SGCD: variants seen among roughly 807,000 people sequenced by gnomAD.
SGCD encodes sarcoglycan delta.
A neutral mutation model predicts 36.6 loss-of-function variants in SGCD; 18 were observed. The observed-to-expected ratio is 0.49, with a 90% confidence interval of 0.34 to 0.73. The LOEUF is 0.73. Among genes scored for constraint, SGCD ranks in the 30% least tolerant of loss-of-function variants. The pLI is 0.01. For synonymous variants in SGCD, 133 were observed against 130.6 expected, an observed-to-expected ratio of 1.02 and a Z score of -0.12; for missense variants, 387 against 346.7, an observed-to-expected ratio of 1.12 and a Z score of -0.92.
At chr5:156,733,627 G>A (rs1469086654) in intron 7 of SGCD, among the ~76,000 whole-genome samples, 4 of 152,064 alleles carry the variant, frequency 2.6e-5, no homozygotes, top group African/African-American at 9.7e-5. Flanking sequence ...ATATAGTATA[G>A]GAGTCTGAGT....
At position 156,021,455 on chromosome 5, in the gene SGCD, G is replaced by A. The variant is rs368795112; in HGVS notation, c.-281-96423G>A. 1.1e-3 allele frequency among the ~76,000 whole-genome samples: 166 copies of A among 152,236 alleles called. 2 individuals are homozygous for A. In the South Asian group the frequency reaches 0.034, roughly 31 times the overall value. On this transcript the variant is annotated intron_variant, in intron 1 of 9. Transcript: ENST00000517913. ...GGATCGCTTGAGCCCAAGAGGTTGA[G>A]GCTGCAGTGAGCTGTGATCACAGCA...
intron 1 of SGCD, among the ~76,000 whole-genome samples, chr5:156,041,587 T>C (rs888414094): frequency 1.3e-5 from 2 of 152,324 alleles, no homozygotes; most frequent in African/African-American, 2.4e-5. Context: ...CAACCATTTA[T>C]TGAGTACCTA....
At chr5:156,394,445 A>G (rs189440824) in intron 3 of SGCD, among the ~76,000 whole-genome samples, 1 of 152,220 alleles carries the variant, frequency 6.6e-6, no homozygotes, top group East Asian at 1.9e-4. Context: ...ACAATACGAG[A>G]GATTGTAAGA....
At chr5:156,465,640 G>A (rs1754689308) in intron 3 of SGCD, among the ~76,000 whole-genome samples, 1 of 152,158 alleles carries the variant, frequency 6.6e-6, no homozygotes, top group Non-Finnish European at 1.5e-5. Flanking sequence ...GTATCTCCAA[G>A]ACTGTTGCCG....
At chr5:156,624,622 T>C (rs1055974510) in intron 6 of SGCD, among the ~76,000 whole-genome samples, 1 of 152,128 alleles carries the variant, frequency 6.6e-6, no homozygotes. Flanking sequence ...CTCTTACTCT[T>C]GTGGTACAGC....
At chr5:156,259,399 C>T (rs1057257715) in intron 3 of SGCD, among the ~76,000 whole-genome samples, 2 of 151,798 alleles carry the variant, frequency 1.3e-5, no homozygotes, top group Non-Finnish European at 2.9e-5. Context: ...ATTTTTTCTG[C>T]TCTATAGTTT....
chr5:156,371,392 AT>A, intron 3 of SGCD, among the ~76,000 whole-genome samples: 1 of 152,338 alleles, frequency 6.6e-6, no homozygotes, highest in Middle Eastern at 3.4e-3. Flanking sequence ...AACTCTGGGA[AT>A]TCCTTTCATG....
chr5:156,437,674 T>C (rs1262046572), intron 3 of SGCD, among the ~76,000 whole-genome samples: 1 of 152,184 alleles, frequency 6.6e-6, no homozygotes, highest in East Asian at 1.9e-4. Flanking sequence ...AAGACTGATA[T>C]TTATCTAGCA....
intron 1 of SGCD, among the ~76,000 whole-genome samples, chr5:156,014,785 C>G (rs1200155375): frequency 6.6e-6 from 1 of 152,174 alleles, no homozygotes; most frequent in African/African-American, 2.4e-5. Flanking sequence ...GAACAGCCCT[C>G]AACCTTTCTT....
chr5:155,852,004 G>A, the SGCD span, among the ~76,000 whole-genome samples: 1 of 152,178 alleles, frequency 6.6e-6, no homozygotes, highest in African/African-American at 2.4e-5. Context: ...AACTTCAGCT[G>A]CTAGCGCAGA....
intron 1 of SGCD, among the ~76,000 whole-genome samples, chr5:155,951,975 C>T (rs1255343209): frequency 6.6e-6 from 1 of 152,138 alleles, no homozygotes; most frequent in African/African-American, 2.4e-5. Flanking sequence ...TCAGCCTCAC[C>T]CTGGTGCTGC....
intron 3 of SGCD, among the ~76,000 whole-genome samples, chr5:156,241,286 G>GTGCA (rs1554086602): frequency 1.3e-5 from 2 of 151,608 alleles, no homozygotes; most frequent in Admixed American, 1.3e-4. Context: ...GTGTGTGTGT[G>GTGCA]TGCATGTATG....
intron 1 of SGCD, among the ~76,000 whole-genome samples, chr5:156,051,571 T>C (rs1427094256): frequency 6.8e-6 from 1 of 146,248 alleles, no homozygotes; most frequent in Non-Finnish European, 1.5e-5. Flanking sequence ...CAATTAATTG[T>C]TGAGCTCCAT....
In SGCD at chr5:156,457,108, C is replaced by T. The variant is rs115520192; in HGVS notation, c.193-51493C>T. ...ATTTTTATGCTAACTTTCTTATTTG[C>T]TTTCCCATGTGTGAAAATCTTTGTT... On this transcript the variant is annotated intron_variant, in intron 3 of 8. Coordinates refer to ENST00000337851, the MANE Select transcript of SGCD (RefSeq NM_000337.6). Among the ~76,000 whole-genome samples, 1,401 of 152,266 alleles carry T rather than the reference C, an allele frequency of 9.2e-3. 27 individuals carry two copies. The highest frequency in any genetic ancestry group is 0.032 in the African/African-American group (1,328 of 41,560).
At chr5:155,954,298 G>A (rs1260069098) in intron 1 of SGCD, among the ~76,000 whole-genome samples, 1 of 152,104 alleles carries the variant, frequency 6.6e-6, no homozygotes, top group Non-Finnish European at 1.5e-5. Flanking sequence ...GAAAAGGCAC[G>A]CTTTTGCTTC....
intron 3 of SGCD, among the ~76,000 whole-genome samples, chr5:156,189,273 G>T (rs1454781569): frequency 3.3e-5 from 5 of 152,272 alleles, no homozygotes; most frequent in South Asian, 4.1e-4. Flanking sequence ...ACCTCTGGGG[G>T]TTGAAAATGA....
intron 1 of SGCD, among the ~76,000 whole-genome samples, chr5:155,888,816 G>A (rs997898458): frequency 1.1e-4 from 16 of 152,090 alleles, no homozygotes; most frequent in African/African-American, 3.6e-4. Context: ...AATTTCTTCA[G>A]CGTAAAATAT....
intron 3 of SGCD, among the ~76,000 whole-genome samples, chr5:156,430,568 TC>T (rs546780874): frequency 1.1e-3 from 165 of 152,286 alleles, no homozygotes; most frequent in Non-Finnish European, 1.7e-3. Context: ...CCCTGTTTTG[TC>T]ATATTGTTAG....
In SGCD at chr5:155,952,462, C is replaced by T. The variant is rs532650525; in HGVS notation, c.-282+82038C>T. 3.9e-5 allele frequency among the ~76,000 whole-genome samples: 6 copies of T among 152,144 alleles called. No homozygotes were observed. In the South Asian group the frequency reaches 8.3e-4, roughly 21 times the overall value. On this transcript the variant is annotated intron_variant, in intron 1 of 9. Coordinates refer to the SGCD transcript ENST00000517913. ...ACAGGTCATTTCCTCCTAGCTCTTC[C>T]TCATTTTCTTGGTCACATTATAAAT...
Sources: gnomAD v4.1 joint callset for allele counts (sites outside exome capture counted in the v4.1 genomes callset) on GRCh38, gnomAD v4.1.1 for gene constraint, MANE v1.5 for transcripts, NCBI Gene and HGNC (gene_info 2026-07-23, HGNC 2026-07-21) for gene names.